The following MALRD1 variants were observed in gnomAD, a reference collection of about 807,000 sequenced individuals.
The protein encoded by MALRD1 is MAM and LDL-receptor class A domain-containing protein 1.
In MALRD1, 247 loss-of-function variants were observed where a neutral mutation model predicts 242.1. That is an observed-to-expected ratio of 1.02 (90% CI 0.92 to 1.13). MALRD1 has a LOEUF of 1.13. Among genes scored for constraint, MALRD1 ranks in the 50% most tolerant of loss-of-function variants. MALRD1 has a pLI of 0.00. For missense variants in MALRD1, 2,989 were observed against 2,533.1 expected (o/e 1.18, Z -3.86); for synonymous variants, 995 against 866.6 (o/e 1.15, Z -2.60).
chr10:19,706,252 G>A (rs181342129), intron 38 of MALRD1, among the ~76,000 whole-genome samples: 1 of 152,350 alleles, frequency 6.6e-6, no homozygotes, highest in East Asian at 1.9e-4. Flanking sequence ...AGAAAAGTGT[G>A]TTGTAGAGAC....
chr10:19,720,002 G>T (rs535934988), intron 38 of MALRD1, among the ~76,000 whole-genome samples: 4 of 152,166 alleles, frequency 2.6e-5, no homozygotes, highest in African/African-American at 9.6e-5. Context: ...TGACTTCATA[G>T]ACTCAACTTA....
rs1455909924 is a variant in MALRD1 at position 19,474,879 on chromosome 10, T to G, written c.5030-16638T>G. Reference sequence around the variant, plus strand: ...GTGTAACAGGGCAGGAAATTAAGAATCAAGGAGGAAAAAAAACCTAGAAAA... The same window carrying G: ...GTGTAACAGGGCAGGAAATTAAGAAGCAAGGAGGAAAAAAAACCTAGAAAA... On this transcript the variant is annotated intron_variant, in intron 29 of 39. Transcript: ENST00000454679. Among the ~76,000 whole-genome samples the G allele has an allele frequency of 2.0e-5, 3 of 152,074 alleles. No homozygotes were observed. In the South Asian group the frequency reaches 6.2e-4, roughly 32 times the overall value.
intron 28 of MALRD1, among the ~76,000 whole-genome samples, chr10:19,424,945 AT>A (rs1407548335): frequency 9.2e-5 from 14 of 152,074 alleles, no homozygotes; most frequent in African/African-American, 2.2e-4. Flanking sequence ...GAAAAAAAAA[AT>A]AAAAAATAAA....
chr10:19,585,030 A>G (rs1372159628), intron 33 of MALRD1, among the ~76,000 whole-genome samples: 1 of 150,782 alleles, frequency 6.6e-6, no homozygotes, highest in Non-Finnish European at 1.5e-5. Context: ...CTGTTTTATC[A>G]GAGACTAGGA....
At chr10:19,460,855 G>A (rs573762330) in intron 29 of MALRD1, among the ~76,000 whole-genome samples, 71 of 152,264 alleles carry the variant, frequency 4.7e-4, no homozygotes, top group Non-Finnish European at 7.2e-4. Flanking sequence ...ATCTGAAAAC[G>A]TTGGTTGAAG....
chr10:19,665,729 C>G (rs1431894192), intron 36 of MALRD1, among the ~76,000 whole-genome samples: 1 of 152,072 alleles, frequency 6.6e-6, no homozygotes, highest in African/African-American at 2.4e-5. Context: ...CGTCAATTAC[C>G]ACTCAGGATT....
At chr10:19,487,971 TA>T (rs368539553) in intron 29 of MALRD1, among the ~76,000 whole-genome samples, 1 of 152,322 alleles carries the variant, frequency 6.6e-6, no homozygotes, top group Non-Finnish European at 1.5e-5. Flanking sequence ...GTGTTCTTTT[TA>T]TTTGTGGAAG....
intron 14 of MALRD1, among the ~76,000 whole-genome samples, chr10:19,196,541 T>G (rs1439221195): frequency 1.5e-5 from 2 of 131,922 alleles, no homozygotes; most frequent in Admixed American, 7.6e-5. Context: ...TCTTTGTTTT[T>G]TTTTTTTTTT....
At chr10:19,482,873 TCA>T (rs775262225) in intron 29 of MALRD1, among the ~76,000 whole-genome samples, 99 of 152,104 alleles carry the variant, frequency 6.5e-4, no homozygotes, top group Non-Finnish European at 5.6e-4. Flanking sequence ...ACTGCCCAAA[TCA>T]GTCAGCAGAT....
At chr10:19,341,482 G>GTGTATATATATGTATATA (rs1413863850) in intron 24 of MALRD1, among the ~76,000 whole-genome samples, 1 of 86,800 alleles carries the variant, frequency 1.2e-5, no homozygotes, top group South Asian at 3.2e-4. Flanking sequence ...GTATATATAT[G>GTGTATATATATGTATATA]TGTATATATA....
chr10:19,500,505 A>G (rs370447440), intron 31 of MALRD1, among the ~76,000 whole-genome samples: 84 of 152,374 alleles, frequency 5.5e-4, no homozygotes, highest in Middle Eastern at 3.4e-3. Context: ...CTAGATAAAG[A>G]CTTAAATGTA....
At chr10:19,237,899 T>G (rs1478122279) in intron 18 of MALRD1, among the ~76,000 whole-genome samples, 5,654 of 81,926 alleles carry the variant, frequency 0.069, 117 homozygotes, top group Middle Eastern at 0.1. Flanking sequence ...ACATTATAAA[T>G]AATTTTATAT....
chr10:19,625,038 C>A (rs902776486), intron 36 of MALRD1, among the ~76,000 whole-genome samples: 1 of 143,702 alleles, frequency 7.0e-6, no homozygotes, highest in African/African-American at 2.6e-5. Context: ...GCTTGTGTGA[C>A]TGAACGAGAG....
At chr10:19,079,555 T>A (rs949798983) in intron 2 of MALRD1, among the ~76,000 whole-genome samples, 4 of 151,940 alleles carry the variant, frequency 2.6e-5, no homozygotes, top group African/African-American at 9.7e-5. Flanking sequence ...ATCAAATAGT[T>A]CTATTTATTT....
intron 26 of MALRD1, among the ~76,000 whole-genome samples, chr10:19,380,999 G>A (rs1204083643): frequency 3.3e-5 from 5 of 149,538 alleles, no homozygotes; most frequent in Admixed American, 2.7e-4. Context: ...ATGCTGGTGG[G>A]CTGCACCCAC....
intron 1 of MALRD1, among the ~76,000 whole-genome samples, chr10:19,049,492 T>C (rs192537494): frequency 6.6e-6 from 1 of 152,316 alleles, no homozygotes; most frequent in African/African-American, 2.4e-5. Context: ...ATCAATAGCT[T>C]ACGTGTGAAT....
At chr10:19,725,412 T>C (rs1228020022) in intron 38 of MALRD1, among the ~76,000 whole-genome samples, 1 of 152,168 alleles carries the variant, frequency 6.6e-6, no homozygotes, top group Non-Finnish European at 1.5e-5. Flanking sequence ...CCTTCTGCCA[T>C]GATTGTAAGT....
At chr10:19,246,511 A>G (rs1839054897) in intron 18 of MALRD1, among the ~76,000 whole-genome samples, 1 of 152,116 alleles carries the variant, frequency 6.6e-6, no homozygotes, top group Admixed American at 6.6e-5. Context: ...GGAATTTCTG[A>G]CCTAATGCTT....
intron 36 of MALRD1, among the ~76,000 whole-genome samples, chr10:19,648,629 TAC>T (rs1840744783): frequency 6.6e-6 from 1 of 152,052 alleles, no homozygotes; most frequent in African/African-American, 2.4e-5. Flanking sequence ...AATACAAACT[TAC>T]AGAGATTCAG....
Sources: allele counts gnomAD v4.1 joint callset (sites outside exome capture counted in the v4.1 genomes callset), GRCh38; gene constraint gnomAD v4.1.1; transcripts MANE v1.5; gene names NCBI Gene and HGNC (gene_info 2026-07-23, HGNC 2026-07-21).